METTL9: variants seen among roughly 807,000 people sequenced by gnomAD.
METTL9 encodes protein-L-histidine N-pros-methyltransferase.
Under a neutral mutation model 36.0 loss-of-function variants are expected in METTL9, and 10 were observed. The observed-to-expected ratio is 0.28, with a 90% CI of 0.17 to 0.47. METTL9 has a LOEUF of 0.47. METTL9 is among the 20% of genes least tolerant of loss of function. The probability of loss-of-function intolerance (pLI) is 0.99; values close to 1 mark genes in which losing one functional copy is unlikely to be tolerated. For missense variants in METTL9, 246 were observed against 383.5 expected (o/e 0.64, Z 3.00); for synonymous variants, 175 against 149.7 (o/e 1.17, Z -1.23).
intron 4 of METTL9, among the ~76,000 whole-genome samples, chr16:21,625,603 C>A (rs1965799341): frequency 6.6e-6 from 1 of 152,044 alleles, no homozygotes; most frequent in African/African-American, 2.4e-5. Flanking sequence ...CAGCATGTAT[C>A]ATTTCTTTCT....
chr16:21,616,333 C>CA (rs1172353949), intron 2 of METTL9, among the ~76,000 whole-genome samples: 1 of 152,196 alleles, frequency 6.6e-6, no homozygotes, highest in Non-Finnish European at 1.5e-5. Context: ...CTCCCAACCT[C>CA]ATTCGAACAG....
upstream of METTL9, among the ~76,000 whole-genome samples, chr16:21,599,257 C>A (rs1261243321): frequency 6.6e-6 from 1 of 152,168 alleles, no homozygotes; most frequent in Non-Finnish European, 1.5e-5. This position sits in a 1 kb window ranked among gnomAD's most constrained non-coding sequence, Gnocchi z 4.4. Context: ...GGAGGTCCTT[C>A]CAGCACCACC....
rs192892973 is a variant in METTL9, at chr16:21,650,956, G to T, written c.752-4271G>T. 2.5e-4 allele frequency among the ~76,000 whole-genome samples: 38 copies of T among 152,318 alleles called. 1 individual carries two copies. Among genetic ancestry groups the T allele is most frequent in the Admixed American group, 1.8e-3 (27 of 15,292 alleles). ...AACCATATTGAGGCTGGGCATGGTGGCTCATGCCTGTAATCCCAGCATTAT... is the reference window on the plus strand; with the variant it reads ...AACCATATTGAGGCTGGGCATGGTGTCTCATGCCTGTAATCCCAGCATTAT... On this transcript the variant is annotated intron_variant, in intron 4 of 4. Transcript: ENST00000358154.
chr16:21,651,726 C>T (rs1384554507), intron 4 of METTL9: 3 of 152,190 alleles, frequency 2.0e-5, no homozygotes, highest in Non-Finnish European at 4.4e-5. Flanking sequence ...CCTACTCCCT[C>T]ACTCCCATAT....
At chr16:21,629,069 T>C (rs1280832481) in intron 4 of METTL9, among the ~76,000 whole-genome samples, 1 of 151,982 alleles carries the variant, frequency 6.6e-6, no homozygotes, top group Non-Finnish European at 1.5e-5. Context: ...CATTTTTGTA[T>C]TTTTAGTAGA....
At chr16:21,648,469 C>T (rs966245020) in intron 4 of METTL9, among the ~76,000 whole-genome samples, 1 of 152,212 alleles carries the variant, frequency 6.6e-6, no homozygotes, top group Non-Finnish European at 1.5e-5. Flanking sequence ...ACTGTTCCCA[C>T]AGTGTCAGAT....
intron 4 of METTL9, chr16:21,627,016 A>G: frequency 1.0e-6 from 1 of 985,452 alleles, no homozygotes. Flanking sequence ...GTGGATGTGC[A>G]GAGCTGCCTG....
intron 4 of METTL9, among the ~76,000 whole-genome samples, chr16:21,638,598 AT>A (rs1347835241): frequency 6.6e-6 from 1 of 152,236 alleles, no homozygotes; most frequent in East Asian, 1.9e-4. Flanking sequence ...AAAACACAGA[AT>A]AGTACACAAT....
intron 4 of METTL9, chr16:21,646,606 C>G (rs983605314): frequency 1.2e-4 from 23 of 198,166 alleles, no homozygotes; most frequent in African/African-American, 4.9e-4. Context: ...AATAGAGCAC[C>G]CAGCAAATCA....
At chr16:21,650,939 T>C (rs895443417) in intron 4 of METTL9, among the ~76,000 whole-genome samples, 1 of 152,134 alleles carries the variant, frequency 6.6e-6, no homozygotes, top group African/African-American at 2.4e-5. Context: ...AAAACCATAT[T>C]GAGGCTGGGC....
At position 21,625,124 on chromosome 16, in the gene METTL9, G is replaced by A. The variant is rs773416643; in HGVS notation, c.751+9G>A. The A allele has an allele frequency of 6.2e-7, 1 of 1,613,360 alleles. No individual in the cohort carries two copies. Among genetic ancestry groups the A allele is most frequent in the Non-Finnish European group, 8.5e-7 (1 of 1,179,414 alleles). On this transcript the variant is annotated intron_variant, in intron 4 of 4. Coordinates refer to ENST00000358154, the MANE Select transcript of METTL9 (RefSeq NM_016025.5). ...TCCCTATGTGGAAAACGGTAAGTGTGGTCAGTCAGGCTAGCTCTTACTGAG... is the reference window on the plus strand; with the variant it reads ...TCCCTATGTGGAAAACGGTAAGTGTAGTCAGTCAGGCTAGCTCTTACTGAG...
chr16:21,637,230 C>T (rs2141603213), intron 4 of METTL9, among the ~76,000 whole-genome samples: 1 of 152,280 alleles, frequency 6.6e-6, no homozygotes, highest in South Asian at 2.1e-4. Context: ...GTCCATTTTA[C>T]AGAGCACTGA....
chr16:21,601,833 T>C (rs1189400228), intron 1 of METTL9, among the ~76,000 whole-genome samples: 1 of 151,852 alleles, frequency 6.6e-6, no homozygotes, highest in African/African-American at 2.4e-5. Context: ...TCTGAATATT[T>C]GGGGGATGGG....
intron 4 of METTL9, among the ~76,000 whole-genome samples, chr16:21,628,892 C>CTT (rs35688864): frequency 5.4e-5 from 7 of 130,064 alleles, no homozygotes; most frequent in African/African-American, 1.4e-4. Flanking sequence ...TGAGATGTTT[C>CTT]TTTTTTTTTT....
intron 4 of METTL9, among the ~76,000 whole-genome samples, chr16:21,637,078 G>A (rs1032054816): frequency 2.6e-5 from 4 of 152,104 alleles, no homozygotes; most frequent in East Asian, 3.9e-4. Context: ...GATTTATTGC[G>A]AAGAGTGAAA....
chr16:21,648,327 A>G (rs1476205060), intron 4 of METTL9, among the ~76,000 whole-genome samples: 3 of 152,182 alleles, frequency 2.0e-5, no homozygotes, highest in Admixed American at 6.5e-5. Context: ...CCTCATTAGA[A>G]AATGGGGATA....
At chr16:21,625,869 A>G (rs1214813311) in intron 4 of METTL9, among the ~76,000 whole-genome samples, 1 of 152,140 alleles carries the variant, frequency 6.6e-6, no homozygotes, top group Non-Finnish European at 1.5e-5. Context: ...TTTTATGAAT[A>G]ATACAAGTTA....
intron 4 of METTL9, among the ~76,000 whole-genome samples, chr16:21,635,871 A>G (rs1966079414): frequency 6.6e-6 from 1 of 152,194 alleles, no homozygotes; most frequent in African/African-American, 2.4e-5. Flanking sequence ...AAGCAGCAGC[A>G]GAAACGGTAG....
chr16:21,597,529 A>C (rs547986638), upstream of METTL9, among the ~76,000 whole-genome samples: 1 of 152,348 alleles, frequency 6.6e-6, no homozygotes, highest in African/African-American at 2.4e-5. Flanking sequence ...AACTGACCCC[A>C]AAATCCTTCT....
Sources: gnomAD v4.1 joint callset for allele counts (sites outside exome capture counted in the v4.1 genomes callset) on GRCh38, gnomAD v4.1.1 for gene constraint, Gnocchi (gnomAD v3.1) non-coding constraint, MANE v1.5 for transcripts, NCBI Gene and HGNC (gene_info 2026-07-23, HGNC 2026-07-21) for gene names.